Variants in MAP2K5 observed in about 807,000 individuals in gnomAD.
MAP2K5 encodes the protein mitogen-activated protein kinase kinase 5, also known as dual specificity mitogen-activated protein kinase kinase 5.
MAP2K5 carries 49 observed loss-of-function variants against 83.1 expected under a neutral mutation model. That is an observed-to-expected ratio of 0.59 (90% confidence interval 0.47 to 0.75). The LOEUF is 0.75. Among genes scored for constraint, MAP2K5 ranks in the 30% least tolerant of loss-of-function variants. MAP2K5 has a pLI of 0.00. For synonymous variants in MAP2K5, 202 were observed against 191.8 expected (o/e 1.05, Z -0.44); for missense variants, 457 against 557.5 (o/e 0.82, Z 1.82).
intron 6 of MAP2K5, chr15:67,588,215 C>T (rs940429869): frequency 4.9e-6 from 2 of 409,454 alleles, no homozygotes; most frequent in South Asian, 1.0e-4. Flanking sequence ...TCCCACCTGA[C>T]ATTCCAGCTT....
At chr15:67,642,218 A>T (rs1245968832) in intron 9 of MAP2K5, among the ~76,000 whole-genome samples, 1 of 152,142 alleles carries the variant, frequency 6.6e-6, no homozygotes, top group Non-Finnish European at 1.5e-5. Flanking sequence ...CAAGCAATCT[A>T]TTTCTTCTGT....
chr15:67,628,854 A>G (rs1003971542), intron 8 of MAP2K5: 6 of 749,004 alleles, frequency 8.0e-6, no homozygotes, highest in Non-Finnish European at 1.2e-5. Context: ...GGTGGCTTTG[A>G]TGGCAGCCGT....
intron 11 of MAP2K5, among the ~76,000 whole-genome samples, chr15:67,651,073 C>G (rs2086941924): frequency 6.6e-6 from 1 of 152,120 alleles, no homozygotes. Context: ...AAAAAATTAG[C>G]TGGGCATGGT....
At chr15:67,796,961 G>A (rs1471460) in intron 21 of MAP2K5, among the ~76,000 whole-genome samples, 59,142 of 152,022 alleles carry the variant, frequency 0.39, 12,332 homozygotes, top group East Asian at 0.7. Flanking sequence ...CACACATTGT[G>A]TCTGTTCACA....
chr15:67,783,364 T>A lies in MAP2K5; in HGVS notation c.1242+10612T>A, dbSNP rs765283177. On this transcript the variant is annotated intron_variant, in intron 21 of 21. Coordinates refer to ENST00000178640, the MANE Select transcript of MAP2K5 (RefSeq NM_145160.3). The surrounding 1 kb of genome is among the most constrained non-coding windows in gnomAD (Gnocchi z 5.1). ...AGGCCACTCCTGTGGAGTCCTGTGC[T>A]CCAAACTTCTGGCAGTCCCCAGATG... is the stretch of plus-strand genomic sequence containing the variant. 6.6e-6 allele frequency among the ~76,000 whole-genome samples: 1 copy of A among 152,170 alleles called. No individual in the cohort carries two copies. Among genetic ancestry groups the A allele is most frequent in the Non-Finnish European group, 1.5e-5 (1 of 68,034 alleles).
intron 16 of MAP2K5, among the ~76,000 whole-genome samples, chr15:67,711,917 TATG>T (rs1285251051): frequency 6.6e-6 from 1 of 152,242 alleles, no homozygotes; most frequent in Non-Finnish European, 1.5e-5. Flanking sequence ...GTTTGACAAT[TATG>T]ATAAGACTAG....
At chr15:67,626,176 C>A (rs1210285216) in intron 8 of MAP2K5, among the ~76,000 whole-genome samples, 1 of 152,078 alleles carries the variant, frequency 6.6e-6, no homozygotes, top group African/African-American at 2.4e-5. Flanking sequence ...CAAAGTCTTA[C>A]GTATTATGTT....
At chr15:67,610,039 GC>G (rs2085882794) in intron 8 of MAP2K5, among the ~76,000 whole-genome samples, 1 of 152,124 alleles carries the variant, frequency 6.6e-6, no homozygotes, top group Admixed American at 6.5e-5. Context: ...GTTTGGAAGG[GC>G]TAAGTGGCAT....
intron 17 of MAP2K5, among the ~76,000 whole-genome samples, chr15:67,739,761 A>G (rs2089451874): frequency 1.3e-5 from 2 of 151,948 alleles, no homozygotes; most frequent in Non-Finnish European, 2.9e-5. Context: ...GATTACAGGC[A>G]TGAGCCACTG....
In MAP2K5 at chr15:67,573,293, C is replaced by T. The variant is rs148608198; in HGVS notation, c.253-7461C>T. 2.0e-5 allele frequency among the ~76,000 whole-genome samples: 3 copies of T among 152,220 alleles called. No individual in the cohort carries two copies. The East Asian group carries it at 5.8e-4, about 29-fold the overall frequency. On this transcript the variant is annotated intron_variant, in intron 3 of 21. Transcript: ENST00000178640. The surrounding 1 kb of genome is among the most constrained non-coding windows in gnomAD (Gnocchi z 4.2). ...TTATAAAGAAAAGAGGTTTAATTGA[C>T]ACAGTTCTGCATGGCTGGGGAGGCC...
At position 67,611,422 on chromosome 15, in the gene MAP2K5, G is replaced by A. The variant is rs111520298; in HGVS notation, c.545+10673G>A. On this transcript the variant is annotated intron_variant, in intron 8 of 21. Coordinates refer to ENST00000178640, the MANE Select transcript of MAP2K5 (RefSeq NM_145160.3). Reference sequence around the variant, plus strand: ...AGCACAACAGCTGGGGTAACTGACCGAAGGGGCAAATGAGAAGTTTCCCTG... The same window carrying A: ...AGCACAACAGCTGGGGTAACTGACCAAAGGGGCAAATGAGAAGTTTCCCTG... Among the ~76,000 whole-genome samples the A allele has an allele frequency of 6.0e-3, 915 of 152,214 alleles. 14 individuals carry two copies. The highest frequency in any genetic ancestry group is 0.02 in the African/African-American group (841 of 41,522).
chr15:67,712,364 T>C (rs908383607), intron 16 of MAP2K5, among the ~76,000 whole-genome samples: 1 of 152,194 alleles, frequency 6.6e-6, no homozygotes, highest in African/African-American at 2.4e-5. Context: ...ATGAGCACAG[T>C]TTCCAGTGAG....
At position 67,640,158 on chromosome 15, in the gene MAP2K5, G is replaced by A. The variant is rs996418904; in HGVS notation, c.586-6073G>A. ...ATTCCTGCAGATCCTTGCATATAGG[G>A]TATAGTACAAAGCATTACACATAAC... On this transcript the variant is annotated intron_variant, in intron 9 of 21. Transcript: ENST00000178640. The surrounding 1 kb of genome is among the most constrained non-coding windows in gnomAD (Gnocchi z 4.6). Among the ~76,000 whole-genome samples the A allele has an allele frequency of 6.6e-6, 1 of 152,142 alleles. No homozygotes were observed. The highest frequency in any genetic ancestry group is 1.5e-5 in the Non-Finnish European group (1 of 68,032).
rs868304302 is a variant in MAP2K5 at position 67,587,025 on chromosome 15, T to C, written c.431+112T>C. On this transcript the variant is annotated intron_variant, in intron 6 of 21. Transcript: ENST00000178640. This position sits in a 1 kb window ranked among gnomAD's most constrained non-coding sequence, Gnocchi z 4.8. Reference sequence around the variant, plus strand: ...ACCAGTTAGATAACCTAGCTACGTATTGACCAAAGAGAAAGGACCTCATAT... The same window carrying C: ...ACCAGTTAGATAACCTAGCTACGTACTGACCAAAGAGAAAGGACCTCATAT... 2.9e-6 allele frequency: 3 copies of C among 1,027,912 alleles called. No homozygotes were observed. Among genetic ancestry groups the C allele is most frequent in the East Asian group, 2.4e-5 (1 of 42,144 alleles). The allele number at this position is 1,027,912 out of a possible 1,614,324, so 63.7% of individuals were successfully genotyped here.
chr15:67,596,812 C>T (rs892731528), intron 7 of MAP2K5, among the ~76,000 whole-genome samples: 2 of 152,318 alleles, frequency 1.3e-5, no homozygotes, highest in South Asian at 2.1e-4. Context: ...TCCTCCTTCA[C>T]ATCTATTATT....
At chr15:67,568,962 C>T (rs1388889415) in intron 3 of MAP2K5, among the ~76,000 whole-genome samples, 2 of 140,816 alleles carry the variant, frequency 1.4e-5, no homozygotes, top group Non-Finnish European at 3.0e-5. Flanking sequence ...GCCGAGATCA[C>T]ACCACTGCAC....
chr15:67,783,473 A>G lies in MAP2K5; in HGVS notation c.1242+10721A>G, dbSNP rs919985234. 2.0e-5 allele frequency among the ~76,000 whole-genome samples: 3 copies of G among 151,958 alleles called. No individual in the cohort carries two copies. The highest frequency in any genetic ancestry group is 4.4e-5 in the Non-Finnish European group (3 of 67,972). On this transcript the variant is annotated intron_variant, in intron 21 of 21. Coordinates refer to ENST00000178640, the MANE Select transcript of MAP2K5 (RefSeq NM_145160.3). The surrounding 1 kb of genome is among the most constrained non-coding windows in gnomAD (Gnocchi z 5.1). ...GTGAACTTCTCCACCTCCGAAACCC[A>G]ACTGGCACAACCTCTGTGAAGCTTT...
intron 21 of MAP2K5, among the ~76,000 whole-genome samples, chr15:67,804,118 C>G (rs2090754770): frequency 1.3e-5 from 2 of 152,182 alleles, no homozygotes; most frequent in Non-Finnish European, 2.9e-5. Context: ...TGTAATGGCC[C>G]CAGGGTCTCC....
At chr15:67,723,998 C>T (rs566649685) in intron 16 of MAP2K5, among the ~76,000 whole-genome samples, 23 of 152,122 alleles carry the variant, frequency 1.5e-4, no homozygotes, top group Non-Finnish European at 3.4e-4. Flanking sequence ...AACTCATAAG[C>T]AAATGAGTTT....
Sources: allele counts gnomAD v4.1 joint callset (sites outside exome capture counted in the v4.1 genomes callset), GRCh38; gene constraint gnomAD v4.1.1; non-coding constraint Gnocchi (gnomAD v3.1); transcripts MANE v1.5; gene names NCBI Gene and HGNC (gene_info 2026-07-23, HGNC 2026-07-21).